The following DST variants were observed in gnomAD, a reference collection of about 807,000 sequenced individuals.
DST encodes bullous pemphigoid antigen.
Under a neutral mutation model 875.2 loss-of-function variants are expected in DST, and 253 were observed. The ratio of observed to expected loss-of-function variants is 0.29; its 90% CI spans 0.26 to 0.32. The LOEUF is 0.32. DST is among the 10% of genes least tolerant of loss of function. The probability of loss-of-function intolerance (pLI) is 1.00; values close to 1 mark genes in which losing one functional copy is unlikely to be tolerated. For synonymous variants in DST, 3,124 were observed against 3,197.1 expected, an observed-to-expected ratio of 0.98 and a Z score of 0.77; for missense variants, 8,287 against 9,111.6, an observed-to-expected ratio of 0.91 and a Z score of 3.68.
intron 53 of DST, 52 bp from the exon 54 acceptor site, chr6:56,570,064 A>T: frequency 3.2e-6 from 4 of 1,268,550 alleles, no homozygotes; most frequent in Non-Finnish European, 4.4e-6. Flanking sequence ...AAGAATAAAT[A>T]AATTATTATT....
chr6:56,774,992 C>CAA (rs71549720), intron 4 of DST, among the ~76,000 whole-genome samples: 2 of 52,216 alleles, frequency 3.8e-5, no homozygotes, highest in African/African-American at 5.2e-5. Context: ...AACTCCATCT[C>CAA]AAAAAAAAAA....
At chr6:56,487,346 G>A (rs937748469) in intron 86 of DST, 73 bp from the exon 87 acceptor site, 19 of 1,278,310 alleles carry the variant, frequency 1.5e-5, no homozygotes, top group South Asian at 3.7e-5. Context: ...ATTAACAGAG[G>A]CATCCCTAAT....
intron 4 of DST, among the ~76,000 whole-genome samples, chr6:56,832,693 CTCTT>C (rs1188606389): frequency 6.6e-6 from 1 of 151,626 alleles, no homozygotes; most frequent in African/African-American, 2.4e-5. Flanking sequence ...CAAAATCAAA[CTCTT>C]AATTTGAATC....
chr6:56,705,778 C>T (rs1392259411), intron 5 of DST, among the ~76,000 whole-genome samples: 1 of 152,142 alleles, frequency 6.6e-6, no homozygotes, highest in African/African-American at 2.4e-5. Flanking sequence ...AGCTCTACCA[C>T]AAAGTAACTG....
Position 56,572,893 on chromosome 6 carries a change from C to T in DST, c.13408G>A (p.Ala4470Thr). 2 of 1,613,388 alleles carry T rather than the reference C, an allele frequency of 1.2e-6. No individual in the cohort carries two copies. The highest frequency in any genetic ancestry group is 1.7e-6 in the Non-Finnish European group (2 of 1,179,684). Residue 4470 changes from alanine to threonine, a missense_variant, in exon 52 of 104, where the codon GCC becomes ACC. By Grantham distance (58) the Ala-to-Thr change is moderately conservative. Coordinates refer to ENST00000680361, the MANE Select transcript of DST (RefSeq NM_001374736.1). ...TTGGTTTTTAGCTCCTCCATTTTGG[C>T]AAGAGTTTCTTTGTGTTTATGACTT... is the stretch of plus-strand genomic sequence containing the variant. ...EASHKHKETL[A>T]KMEELKTKVE...
In DST at chr6:56,522,076, TAA is replaced by T. The variant is rs567599701; in HGVS notation, c.18129+4283_18129+4284del. Among the ~76,000 whole-genome samples, 213 of 152,256 alleles carry T rather than the reference TAA, an allele frequency of 1.4e-3. 2 individuals carry two copies. The highest frequency in any genetic ancestry group is 4.9e-3 in the African/African-American group (203 of 41,572). Reference sequence around the variant, plus strand: ...TTGAATTAGCCTTTCAGGAATTTTCTAAAAGTTAGTGCAAGACATTTTAAGTA... The same window carrying T: ...TTGAATTAGCCTTTCAGGAATTTTCTAAGTTAGTGCAAGACATTTTAAGTA... On this transcript the variant is annotated intron_variant, in intron 69 of 103. Coordinates refer to ENST00000680361, the MANE Select transcript of DST (RefSeq NM_001374736.1).
chr6:56,552,889 C>G lies in DST; in HGVS notation c.15903G>C (p.Ser5301=), dbSNP rs371189011. Reference sequence around the variant, plus strand: ...TGTTACTGTAAGCCTGGGATCCCAGCGAATCATGGATATCTAGCTGCTCCT... The same window carrying G: ...TGTTACTGTAAGCCTGGGATCCCAGGGAATCATGGATATCTAGCTGCTCCT... ...CAKEQLDIHD[S]LGSQAYSNKY... Residue 5301 remains serine (S), a synonymous_variant, in exon 61 of 104, where the codon TCG becomes TCC. Transcript: ENST00000680361. 4.3e-6 allele frequency: 7 copies of G among 1,613,796 alleles called. No homozygotes were observed. The highest frequency in any genetic ancestry group is 5.9e-6 in the Non-Finnish European group (7 of 1,179,866).
At chr6:56,598,053 C>G (rs935685250) in intron 46 of DST, 47 bp from the exon 47 acceptor site, 28 of 1,512,094 alleles carry the variant, frequency 1.9e-5, no homozygotes, top group Non-Finnish European at 2.3e-5. Context: ...TGGGCCAAGG[C>G]ATAGTTTTAA....
rs2152688693 is a variant in DST at position 56,593,899 on chromosome 6, C to T, written c.12490G>A (p.Ala4164Thr). 6.2e-7 allele frequency: 1 copy of T among 1,613,890 alleles called. No individual in the cohort carries two copies. The highest frequency in any genetic ancestry group is 8.5e-7 in the Non-Finnish European group (1 of 1,179,800). The change falls in exon 48 of 104, where the codon GCA becomes ACA. Residue 4164 changes from alanine to threonine, a missense_variant. By Grantham distance (58) the Ala-to-Thr change is moderately conservative. This residue lies in a region of DST where 1,513 missense variants were observed against 1,677.8 expected (regional missense o/e 0.90). Transcript: ENST00000680361. ...EQELENLEAG[A>T]DDINGLMTKL... Reference sequence around the variant, plus strand: ...GTCATTAAACCATTGATGTCATCTGCACCTGCCTCCAGGTTTTCAAGTTCT... The same window carrying T: ...GTCATTAAACCATTGATGTCATCTGTACCTGCCTCCAGGTTTTCAAGTTCT...
At chr6:56,692,414 C>G (rs1280209806) in intron 9 of DST, 3 of 1,283,706 alleles carry the variant, frequency 2.3e-6, no homozygotes, top group Non-Finnish European at 3.0e-6. Context: ...TCCTTAGAAA[C>G]AGAGGACATA....
At chr6:56,461,449 TCAA>T (rs1018875673) in intron 102 of DST, 3 of 152,178 alleles carry the variant, frequency 2.0e-5, no homozygotes, top group Non-Finnish European at 4.4e-5. Flanking sequence ...AAACAGAATC[TCAA>T]CAACACGAGG....
chr6:56,526,770 A>G (rs572602787), intron 68 of DST, among the ~76,000 whole-genome samples: 1 of 152,252 alleles, frequency 6.6e-6, no homozygotes, highest in Admixed American at 6.5e-5. Context: ...GAGAAGTTCA[A>G]AGAACAATTC....
chr6:56,558,750 G>C (rs2097476842), intron 58 of DST, among the ~76,000 whole-genome samples: 1 of 152,056 alleles, frequency 6.6e-6, no homozygotes, highest in African/African-American at 2.4e-5. Flanking sequence ...CACAATCTTT[G>C]AAGGTTTGTA....
At chr6:56,788,128 C>CAA (rs781369739) in intron 4 of DST, among the ~76,000 whole-genome samples, 729 of 26,584 alleles carry the variant, frequency 0.027, 107 homozygotes, top group African/African-American at 0.052. Context: ...GACTCCGTCT[C>CAA]AAAAAAAAAA....
intron 83 of DST, 73 bp from the exon 84 acceptor site, chr6:56,493,162 C>T (rs2095805454): frequency 5.1e-6 from 7 of 1,382,632 alleles, no homozygotes; most frequent in African/African-American, 1.4e-5. Context: ...TTTAAATATT[C>T]TCTGGCAGAT....
intron 3 of DST, among the ~76,000 whole-genome samples, chr6:56,888,203 C>T (rs1785566309): frequency 6.6e-6 from 1 of 152,108 alleles, no homozygotes; most frequent in Admixed American, 6.5e-5. Flanking sequence ...CCGCCTCAGC[C>T]TCCCAGTGTG....
chr6:56,783,241 T>G (rs979903028), intron 4 of DST, among the ~76,000 whole-genome samples: 13 of 152,338 alleles, frequency 8.5e-5, no homozygotes, highest in Middle Eastern at 3.4e-3. Context: ...CTATTACGTC[T>G]GCTTGGTGCA....
At chr6:56,460,885 G>C (rs770096780) in intron 102 of DST, 29 of 152,076 alleles carry the variant, frequency 1.9e-4, no homozygotes, top group Non-Finnish European at 1.3e-4. Flanking sequence ...AACATTTGGA[G>C]AAGTTTTTTT....
At chr6:56,926,907 G>A (rs768036453) in intron 2 of DST, among the ~76,000 whole-genome samples, 3 of 152,136 alleles carry the variant, frequency 2.0e-5, no homozygotes, top group African/African-American at 7.2e-5. Context: ...TCTGCCAAGA[G>A]CATATTCATA....
Sources: allele counts gnomAD v4.1 joint callset (sites outside exome capture counted in the v4.1 genomes callset), GRCh38; gene constraint gnomAD v4.1.1; regional missense constraint gnomAD v4.1.1; transcripts MANE v1.5; gene names NCBI Gene and HGNC (gene_info 2026-07-23, HGNC 2026-07-21).